Variants in PIK3CD observed in about 807,000 individuals in gnomAD.
PIK3CD encodes the protein phosphatidylinositol-4,5-bisphosphate 3-kinase catalytic subunit delta, also known as phosphatidylinositol 4,5-bisphosphate 3-kinase catalytic subunit delta isoform.
PIK3CD carries 20 observed loss-of-function variants against 122.9 expected under a neutral mutation model. The ratio of observed to expected loss-of-function variants is 0.16; its 90% CI spans 0.11 to 0.24. The LOEUF is 0.24. Ranked by LOEUF, PIK3CD falls within the 10% of genes least tolerant of loss-of-function variation. PIK3CD has a pLI of 1.00. For synonymous variants in PIK3CD, 596 were observed against 593.4 expected (o/e 1.00, Z -0.06); for missense variants, 787 against 1,406.3 (o/e 0.56, Z 7.04).
chr1:9,667,089 C>G (rs1055571650), intron 1 of PIK3CD, among the ~76,000 whole-genome samples: 3 of 152,164 alleles, frequency 2.0e-5, no homozygotes, highest in Non-Finnish European at 4.4e-5. Context: ...GTCTCGAACT[C>G]CTGAGCTCAG....
the PIK3CD span, among the ~76,000 whole-genome samples, chr1:9,632,854 C>A: frequency 4.2e-5 from 6 of 143,826 alleles, no homozygotes; most frequent in African/African-American, 1.5e-4. Context: ...ACCTTAGCAA[C>A]CTGATTCTTT....
chr1:9,696,600 A>G (rs1646426037), intron 2 of PIK3CD, among the ~76,000 whole-genome samples: 1 of 151,450 alleles, frequency 6.6e-6, no homozygotes, highest in Non-Finnish European at 1.5e-5. Context: ...AGAAATAAAA[A>G]GTTAGCTGGC....
Position 9,688,562 on chromosome 1 carries a change from G to T in PIK3CD, c.-137-2905G>T, listed in dbSNP as rs1646061047. ...AGTGTAGATGCCTGGATAAAAACTG[G>T]AGCGCCTGGCCGAGCACTTTGGGAG... On this transcript the variant is annotated intron_variant, in intron 1 of 23. Transcript: ENST00000377346. Among the ~76,000 whole-genome samples the T allele has an allele frequency of 2.0e-5, 3 of 151,374 alleles. No homozygotes were observed. In the South Asian group the frequency reaches 6.3e-4, roughly 32 times the overall value.
chr1:9,686,658 CTGATATT>C (rs763389031), intron 1 of PIK3CD, among the ~76,000 whole-genome samples: 5 of 152,182 alleles, frequency 3.3e-5, no homozygotes, highest in Non-Finnish European at 5.9e-5. Flanking sequence ...CAGGTCTACT[CTGATATT>C]TAACAGTGGT....
At chr1:9,635,231 C>T in the PIK3CD span, among the ~76,000 whole-genome samples, 1 of 149,530 alleles carries the variant, frequency 6.7e-6, no homozygotes, top group African/African-American at 2.5e-5. Context: ...GCCAAGATCT[C>T]ACCACTGTAC....
Position 9,721,878 on chromosome 1 carries a change from GGGGGGCGGGCA to G in PIK3CD, c.2055+27_2055+37del. On this transcript the variant is annotated intron_variant, in intron 16 of 23. Coordinates refer to ENST00000377346, the MANE Select transcript of PIK3CD (RefSeq NM_005026.5). ...TGAAGCAGGTGAGGCCCAAGGCCCT[GGGGGGCGGGCA>G]GGGGGCGGCCCTGAGCGTCTGGGAA... 3.1e-6 allele frequency: 5 copies of G among 1,612,340 alleles called. No homozygotes were observed. Among genetic ancestry groups the G allele is most frequent in the Non-Finnish European group, 3.4e-6 (4 of 1,179,404 alleles).
chr1:9,725,201 C>T (rs1171140797), intron 23 of PIK3CD, among the ~76,000 whole-genome samples: 2 of 152,208 alleles, frequency 1.3e-5, no homozygotes, highest in African/African-American at 4.8e-5. Context: ...CTCAGGGCTG[C>T]GGGGCTTTCA....
In PIK3CD at chr1:9,724,158, C is replaced by T; in HGVS notation, c.2718+66C>T. On this transcript the variant is annotated intron_variant, in intron 21 of 23. Coordinates refer to ENST00000377346, the MANE Select transcript of PIK3CD (RefSeq NM_005026.5). This position sits in a 1 kb window ranked among gnomAD's most constrained non-coding sequence, Gnocchi z 7.3. The stretch of plus-strand genomic sequence containing the variant: ...TTCTGGCCCCAGCCTGCTGGCCCCT[C>T]TGCCTAGCACACAGCTCTGTGGCAG... 1 of 1,613,794 alleles carries T rather than the reference C, an allele frequency of 6.2e-7. No homozygotes were observed. Among genetic ancestry groups the T allele is most frequent in the Non-Finnish European group, 8.5e-7 (1 of 1,180,006 alleles).
At chr1:9,662,909 G>A (rs935352790) in intron 1 of PIK3CD, among the ~76,000 whole-genome samples, 1 of 152,052 alleles carries the variant, frequency 6.6e-6, no homozygotes. Context: ...GGCTGATCTC[G>A]AACTCCTGAC....
upstream of PIK3CD, among the ~76,000 whole-genome samples, chr1:9,649,026 C>T (rs1354470738): frequency 6.6e-6 from 1 of 152,080 alleles, no homozygotes; most frequent in Non-Finnish European, 1.5e-5. Context: ...CGCTTGAACC[C>T]GGGAGGCCAA....
At chr1:9,666,431 C>G (rs912385715) in intron 1 of PIK3CD, among the ~76,000 whole-genome samples, 1 of 151,382 alleles carries the variant, frequency 6.6e-6, no homozygotes, top group Non-Finnish European at 1.5e-5. Context: ...CAGGGTTTTA[C>G]TATGTTGGCC....
Position 9,716,532 on chromosome 1 carries a change from G to A in PIK3CD, c.693G>A (p.Pro231=), listed in dbSNP as rs776981965. 39 of 1,609,122 alleles carry A rather than the reference G, an allele frequency of 2.4e-5. No individual in the cohort carries two copies. The highest frequency in any genetic ancestry group is 5.0e-5 in the Admixed American group (3 of 59,804). The change falls in exon 6 of 24, where the codon CCG becomes CCA. Residue 231 remains proline, a synonymous_variant. Transcript: ENST00000377346. The part of the protein sequence containing the change: ...LRKKATVFRQ[P]LVEQPEDYTL... Reference sequence around the variant, plus strand: ...AGAAGGCCACAGTGTTCCGGCAGCCGCTGGTGGAGCAGCCGGAAGACTACA... The same window carrying A: ...AGAAGGCCACAGTGTTCCGGCAGCCACTGGTGGAGCAGCCGGAAGACTACA...
At chr1:9,663,281 G>A (rs1040603621) in intron 1 of PIK3CD, among the ~76,000 whole-genome samples, 37 of 152,174 alleles carry the variant, frequency 2.4e-4, no homozygotes, top group Non-Finnish European at 5.0e-4. Flanking sequence ...TCCCACCAGG[G>A]AAGCTACCCC....
At position 9,661,689 on chromosome 1, in the gene PIK3CD, C is replaced by T. The variant is rs918129561; in HGVS notation, c.-138+9887C>T. Among the ~76,000 whole-genome samples, 15 of 151,642 alleles carry T rather than the reference C, an allele frequency of 9.9e-5. No homozygotes were observed. In the South Asian group the frequency reaches 1.0e-3, roughly 11 times the overall value. ...CAGCATGGCCAACATGGCGAAACCC[C>T]GTCTCTACAAAAAAATACAAAAATT... On this transcript the variant is annotated intron_variant, in intron 1 of 23. Coordinates refer to ENST00000377346, the MANE Select transcript of PIK3CD (RefSeq NM_005026.5).
At chr1:9,662,144 G>A (rs1183131415) in intron 1 of PIK3CD, among the ~76,000 whole-genome samples, 3 of 152,132 alleles carry the variant, frequency 2.0e-5, no homozygotes, top group Non-Finnish European at 4.4e-5. Context: ...CAACCTGGGC[G>A]ACAGAGCGAG....
intron 1 of PIK3CD, among the ~76,000 whole-genome samples, chr1:9,664,459 A>C (rs1034305169): frequency 2.6e-5 from 4 of 152,244 alleles, no homozygotes; most frequent in African/African-American, 9.6e-5. Context: ...ACCACCCACA[A>C]GGGGAGGGTG....
intron 2 of PIK3CD, among the ~76,000 whole-genome samples, chr1:9,703,031 G>A (rs1646706061): frequency 6.6e-6 from 1 of 152,164 alleles, no homozygotes; most frequent in Non-Finnish European, 1.5e-5. Flanking sequence ...TCGTCCTCAG[G>A]ACCCAGGCTT....
intron 1 of PIK3CD, among the ~76,000 whole-genome samples, chr1:9,690,133 CT>C (rs1646146346): frequency 6.6e-6 from 1 of 152,154 alleles, no homozygotes; most frequent in African/African-American, 2.4e-5. Flanking sequence ...CCCCTGCCCC[CT>C]ATTCGGGACG....
At chr1:9,706,791 C>CT (rs1245909885) in intron 2 of PIK3CD, among the ~76,000 whole-genome samples, 1 of 148,840 alleles carries the variant, frequency 6.7e-6, no homozygotes, top group Non-Finnish European at 1.5e-5. Context: ...CTGTTTTTGG[C>CT]TTTTTTTGAT....
Sources: gnomAD v4.1 joint callset for allele counts (sites outside exome capture counted in the v4.1 genomes callset) on GRCh38, gnomAD v4.1.1 for gene constraint, Gnocchi (gnomAD v3.1) non-coding constraint, MANE v1.5 for transcripts, NCBI Gene and HGNC (gene_info 2026-07-23, HGNC 2026-07-21) for gene names.